IGF2BP3: variants seen among roughly 807,000 people sequenced by gnomAD.
IGF2BP3 encodes insulin-like growth factor 2 mRNA-binding protein 3.
IGF2BP3 carries 9 observed loss-of-function variants against 73.8 expected under a neutral mutation model. That is an observed-to-expected ratio of 0.12 (90% CI 0.07 to 0.21). The LOEUF is 0.21. Ranked by LOEUF, IGF2BP3 falls within the 10% of genes least tolerant of loss-of-function variation. The probability of loss-of-function intolerance (pLI) is 1.00; values close to 1 mark genes in which losing one functional copy is unlikely to be tolerated. For missense variants in IGF2BP3, 542 were observed against 714.0 expected (o/e 0.76, Z 2.75); for synonymous variants, 258 against 256.7 (o/e 1.01, Z -0.05).
chr7:23,446,776 G>A (rs1788075880), intron 2 of IGF2BP3, among the ~76,000 whole-genome samples: 1 of 152,104 alleles, frequency 6.6e-6, no homozygotes, highest in Non-Finnish European at 1.5e-5. Flanking sequence ...TTACCCTGAA[G>A]AAGCCTGGCA....
chr7:23,464,488 G>A (rs1562766742), intron 2 of IGF2BP3, among the ~76,000 whole-genome samples: 1 of 152,006 alleles, frequency 6.6e-6, no homozygotes, highest in Non-Finnish European at 1.5e-5. Flanking sequence ...AAAAAACAAC[G>A]TTTGAGCTTA....
chr7:23,420,536 G>A (rs1269250933), intron 2 of IGF2BP3, among the ~76,000 whole-genome samples: 1 of 152,080 alleles, frequency 6.6e-6, no homozygotes, highest in Non-Finnish European at 1.5e-5. Flanking sequence ...AAGAACTATA[G>A]TGAACTTCTC....
At chr7:23,315,988 A>G (rs903834819) in intron 12 of IGF2BP3, among the ~76,000 whole-genome samples, 1 of 152,216 alleles carries the variant, frequency 6.6e-6, no homozygotes, top group Non-Finnish European at 1.5e-5. Flanking sequence ...CAGTAATTCT[A>G]CTTATAAGAC....
chr7:23,411,153 A>G (rs950427055), intron 3 of IGF2BP3, among the ~76,000 whole-genome samples: 6 of 152,146 alleles, frequency 3.9e-5, no homozygotes, highest in Admixed American at 3.9e-4. Context: ...TATTTCTAAT[A>G]TTTAACATCT....
At chr7:23,415,496 C>T (rs576176125) in intron 3 of IGF2BP3, 3 of 224,014 alleles carry the variant, frequency 1.3e-5, no homozygotes, top group African/African-American at 5.0e-5. Flanking sequence ...GGTCCCCCTC[C>T]GTCAGTCGGC....
intron 2 of IGF2BP3, among the ~76,000 whole-genome samples, chr7:23,459,717 G>C (rs780760939): frequency 6.6e-5 from 10 of 152,070 alleles, no homozygotes; most frequent in Non-Finnish European, 1.0e-4. Flanking sequence ...TGTAATCTCA[G>C]TTACTCGGGA....
chr7:23,457,004 G>A (rs944454618), intron 2 of IGF2BP3, among the ~76,000 whole-genome samples: 1 of 152,036 alleles, frequency 6.6e-6, no homozygotes, highest in South Asian at 2.1e-4. Context: ...AGCCAAAATC[G>A]CGCCACTGCA....
At chr7:23,442,142 A>T (rs1198309173) in intron 2 of IGF2BP3, among the ~76,000 whole-genome samples, 1 of 152,226 alleles carries the variant, frequency 6.6e-6, no homozygotes, top group Non-Finnish European at 1.5e-5. Flanking sequence ...AAATTTTTTT[A>T]AAAAGTTAAT....
chr7:23,438,003 T>C (rs945191967), intron 2 of IGF2BP3, among the ~76,000 whole-genome samples: 2 of 152,228 alleles, frequency 1.3e-5, no homozygotes, highest in Admixed American at 1.3e-4. Context: ...ATGAATACTA[T>C]TTGGCTTCTG....
At chr7:23,456,280 G>GT (rs1014382122) in intron 2 of IGF2BP3, among the ~76,000 whole-genome samples, 1 of 149,056 alleles carries the variant, frequency 6.7e-6, no homozygotes, top group Non-Finnish European at 1.5e-5. Context: ...TTTTTTTGTT[G>GT]TTTTTTTAAC....
rs564797616 is a variant in IGF2BP3, at chr7:23,361,517, A to G, written c.401+17T>C. The G allele has an allele frequency of 2.5e-6, 4 of 1,601,728 alleles. No individual in the cohort carries two copies. The African/African-American group carries it at 4.0e-5, about 16-fold the overall frequency. On this transcript the variant is annotated intron_variant, in intron 5 of 14. Transcript: ENST00000258729. ...ACTTAGTTATTATATATAGATTAAA[A>G]GCTTCAAGCTGCTTACTGTCTAGCT...
chr7:23,453,143 C>A (rs186791111), intron 2 of IGF2BP3, among the ~76,000 whole-genome samples: 110 of 152,144 alleles, frequency 7.2e-4, no homozygotes, highest in Non-Finnish European at 1.4e-3. Flanking sequence ...AACAAACAAA[C>A]AAAATACAAA....
intron 2 of IGF2BP3, among the ~76,000 whole-genome samples, chr7:23,442,387 A>C (rs1365585444): frequency 1.4e-5 from 2 of 147,950 alleles, no homozygotes; most frequent in African/African-American, 5.0e-5. Flanking sequence ...ATAACATAGA[A>C]TAACATTCCA....
chr7:23,340,412 G>C (rs1297458199), intron 10 of IGF2BP3, among the ~76,000 whole-genome samples: 2 of 152,112 alleles, frequency 1.3e-5, no homozygotes, highest in Non-Finnish European at 2.9e-5. Flanking sequence ...GACAGGAAAA[G>C]GAAATTTTCA....
At chr7:23,373,981 C>G (rs1360460979) in intron 3 of IGF2BP3, among the ~76,000 whole-genome samples, 1 of 152,216 alleles carries the variant, frequency 6.6e-6, no homozygotes, top group Admixed American at 6.5e-5. Flanking sequence ...TAAATGCTTT[C>G]TGGGCCTTGC....
chr7:23,455,998 C>T (rs1442655831), intron 2 of IGF2BP3, among the ~76,000 whole-genome samples: 2 of 152,090 alleles, frequency 1.3e-5, no homozygotes, highest in Non-Finnish European at 2.9e-5. Flanking sequence ...TCTTACTCTT[C>T]TTTCTAGCCC....
intron 10 of IGF2BP3, among the ~76,000 whole-genome samples, chr7:23,331,779 G>C (rs1472820314): frequency 6.6e-6 from 1 of 151,070 alleles, no homozygotes; most frequent in Admixed American, 6.6e-5. Context: ...AGAACTGCTT[G>C]AACCTGGGAG....
chr7:23,381,789 G>C (rs951358892), intron 3 of IGF2BP3, among the ~76,000 whole-genome samples: 7 of 151,986 alleles, frequency 4.6e-5, no homozygotes, highest in African/African-American at 7.2e-5. Flanking sequence ...GGCTGGTCTC[G>C]AACTCCAGAC....
chr7:23,328,138 T>C (rs1183494018), intron 10 of IGF2BP3, among the ~76,000 whole-genome samples: 1 of 152,208 alleles, frequency 6.6e-6, no homozygotes, highest in African/African-American at 2.4e-5. Context: ...ACCTCATTTG[T>C]TTACATTTTT....
Sources: allele counts gnomAD v4.1 joint callset (sites outside exome capture counted in the v4.1 genomes callset), GRCh38; gene constraint gnomAD v4.1.1; transcripts MANE v1.5; gene names NCBI Gene and HGNC (gene_info 2026-07-23, HGNC 2026-07-21).